Variants in CAMTA1 observed in about 807,000 individuals in gnomAD.
CAMTA1 encodes the protein calmodulin binding transcription activator 1.
In CAMTA1, 27 loss-of-function variants were observed where a neutral mutation model predicts 170.9. The ratio of observed to expected loss-of-function variants is 0.16; its 90% CI spans 0.12 to 0.22. The LOEUF (loss-of-function observed/expected upper bound fraction) is 0.22, where lower values mean the gene tolerates loss of function less well. Among genes scored for constraint, CAMTA1 ranks in the 10% least tolerant of loss-of-function variants. The probability of loss-of-function intolerance (pLI) is 1.00; values close to 1 mark genes in which losing one functional copy is unlikely to be tolerated. For missense variants in CAMTA1, 1,619 were observed against 2,217.2 expected (o/e 0.73, Z 5.42); for synonymous variants, 833 against 891.5 (o/e 0.93, Z 1.17).
chr1:7,383,241 A>T (rs943948589), intron 5 of CAMTA1, among the ~76,000 whole-genome samples: 1 of 151,856 alleles, frequency 6.6e-6, no homozygotes, highest in African/African-American at 2.4e-5. Flanking sequence ...GCCAGGACGG[A>T]CATTGTTGCC....
At chr1:7,450,190 T>C (rs2092789510) in intron 5 of CAMTA1, among the ~76,000 whole-genome samples, 1 of 152,198 alleles carries the variant, frequency 6.6e-6, no homozygotes, top group South Asian at 2.1e-4. Context: ...CTCCAAGGCT[T>C]GATACTCCAT....
intron 3 of CAMTA1, among the ~76,000 whole-genome samples, chr1:6,885,549 G>T (rs1355607909): frequency 6.6e-6 from 1 of 152,184 alleles, no homozygotes; most frequent in Non-Finnish European, 1.5e-5. Context: ...ACCAGGGCAG[G>T]TATTTGGTCT....
chr1:7,335,135 TGTGTGG>T (rs2083278741), intron 5 of CAMTA1, among the ~76,000 whole-genome samples: 1 of 34,384 alleles, frequency 2.9e-5, no homozygotes, highest in African/African-American at 7.3e-5. Flanking sequence ...TGTGTGTGTG[TGTGTGG>T]GGGGGGGGGG....
At chr1:7,055,296 G>A (rs996824248) in intron 3 of CAMTA1, among the ~76,000 whole-genome samples, 2 of 152,182 alleles carry the variant, frequency 1.3e-5, no homozygotes, top group Non-Finnish European at 1.5e-5. Context: ...CTAAATTAAG[G>A]AAAGCCCCAG....
rs376380224 is a variant in CAMTA1 at position 7,658,635 on chromosome 1, C to T, written c.665-3091C>T. On this transcript the variant is annotated intron_variant, in intron 7 of 22. Transcript: ENST00000303635. The stretch of plus-strand genomic sequence containing the variant: ...ATCTGTAAAATGAGTCTGGAAATGT[C>T]TGTAAGCCAAGGAGTGCCCTGGGCA... Among the ~76,000 whole-genome samples the T allele has an allele frequency of 1.9e-4, 29 of 152,242 alleles. No individual in the cohort carries two copies. In the East Asian group the frequency reaches 5.2e-3, roughly 27 times the overall value.
intron 4 of CAMTA1, among the ~76,000 whole-genome samples, chr1:7,235,285 A>G (rs1663611250): frequency 6.6e-6 from 1 of 152,168 alleles, no homozygotes; most frequent in Non-Finnish European, 1.5e-5. Flanking sequence ...GACTGACTGC[A>G]TGAAACACTA....
intron 3 of CAMTA1, among the ~76,000 whole-genome samples, chr1:6,984,764 T>C (rs1695079594): frequency 6.6e-6 from 1 of 152,240 alleles, no homozygotes; most frequent in African/African-American, 2.4e-5. Context: ...CAGCTGCCGA[T>C]GGCTGGGTTC....
intron 6 of CAMTA1, among the ~76,000 whole-genome samples, chr1:7,578,798 ACT>A (rs1311129297): frequency 6.6e-6 from 1 of 152,054 alleles, no homozygotes; most frequent in African/African-American, 2.4e-5. Context: ...CAAGAGGCCC[ACT>A]CTCTCAATAG....
intron 3 of CAMTA1, among the ~76,000 whole-genome samples, chr1:6,863,749 C>T (rs1665616606): frequency 6.6e-6 from 1 of 152,236 alleles, no homozygotes; most frequent in South Asian, 2.1e-4. Flanking sequence ...GTACATGTTT[C>T]ACACCAGTGA....
intron 2 of CAMTA1, among the ~76,000 whole-genome samples, chr1:6,822,554 A>G (rs1400399135): frequency 2.0e-5 from 3 of 152,172 alleles, no homozygotes; most frequent in Admixed American, 6.5e-5. Context: ...TGGAAATGGT[A>G]CACTTTAAAA....
At chr1:7,753,246 T>G (rs1157176311) in intron 21 of CAMTA1, among the ~76,000 whole-genome samples, 1 of 152,232 alleles carries the variant, frequency 6.6e-6, no homozygotes, top group Non-Finnish European at 1.5e-5. Flanking sequence ...AATTTGAGAT[T>G]TCTTTATGAA....
At chr1:6,799,269 A>G (rs1643341747) in intron 1 of CAMTA1, among the ~76,000 whole-genome samples, 1 of 152,024 alleles carries the variant, frequency 6.6e-6, no homozygotes, top group African/African-American at 2.4e-5. Flanking sequence ...GGGTCTTGCT[A>G]TGTTGCGCAG....
chr1:7,712,995 C>T (rs926910118), intron 11 of CAMTA1, among the ~76,000 whole-genome samples: 4 of 152,246 alleles, frequency 2.6e-5, no homozygotes, highest in African/African-American at 7.2e-5. Context: ...GTCCTGTCCA[C>T]GACACATGGG....
rs912600008 is a variant in CAMTA1 at position 7,534,614 on chromosome 1, C to T, written c.510+66713C>T. ...TTTGTCTGGCATGTCCTCGGCGGCA[C>T]GGGCTGTGGCCGCAGAAGGCCAGCA... On this transcript the variant is annotated intron_variant, in intron 6 of 22. Coordinates refer to ENST00000303635, the MANE Select transcript of CAMTA1 (RefSeq NM_015215.4). The surrounding 1 kb of genome is among the most constrained non-coding windows in gnomAD (Gnocchi z 5.6). Among the ~76,000 whole-genome samples, 4 of 152,166 alleles carry T rather than the reference C, an allele frequency of 2.6e-5. No individual in the cohort carries two copies. Among genetic ancestry groups the T allele is most frequent in the South Asian group, 2.1e-4 (1 of 4,824 alleles).
At chr1:7,624,571 G>A (rs1305586037) in intron 6 of CAMTA1, among the ~76,000 whole-genome samples, 2 of 152,214 alleles carry the variant, frequency 1.3e-5, no homozygotes, top group African/African-American at 2.4e-5. Context: ...GGTGATGGGT[G>A]GGTGGTGGGT....
chr1:7,428,263 G>T (rs2091967469), intron 5 of CAMTA1, among the ~76,000 whole-genome samples: 1 of 152,140 alleles, frequency 6.6e-6, no homozygotes, highest in African/African-American at 2.4e-5. Context: ...TAGAGGGGAA[G>T]ACCTCGTCGG....
chr1:7,526,804 C>G (rs1367224146), intron 6 of CAMTA1, among the ~76,000 whole-genome samples: 2 of 152,206 alleles, frequency 1.3e-5, no homozygotes, highest in Non-Finnish European at 2.9e-5. Flanking sequence ...TGAGGAGGCC[C>G]TGGCTCTCTG....
At chr1:7,099,731 G>C (rs1176196801) in intron 4 of CAMTA1, among the ~76,000 whole-genome samples, 1 of 152,158 alleles carries the variant, frequency 6.6e-6, no homozygotes, top group Admixed American at 6.5e-5. Flanking sequence ...GAACCATCCG[G>C]GTTCTCCTGA....
intron 11 of CAMTA1, among the ~76,000 whole-genome samples, chr1:7,692,618 G>A (rs1410671996): frequency 6.6e-6 from 1 of 152,204 alleles, no homozygotes; most frequent in African/African-American, 2.4e-5. Flanking sequence ...ACACACTGGT[G>A]TGACAGTGAC....
Sources: allele counts gnomAD v4.1 joint callset (sites outside exome capture counted in the v4.1 genomes callset), GRCh38; gene constraint gnomAD v4.1.1; non-coding constraint Gnocchi (gnomAD v3.1); transcripts MANE v1.5; gene names NCBI Gene and HGNC (gene_info 2026-07-23, HGNC 2026-07-21).